C12orf42: variants seen among roughly 807,000 people sequenced by gnomAD.
The protein encoded by C12orf42 is chromosome 12 open reading frame 42.
C12orf42 carries 25 observed loss-of-function variants against 21.6 expected under a neutral mutation model. The ratio of observed to expected loss-of-function variants is 1.16; its 90% CI spans 0.84 to 1.62. C12orf42 has a LOEUF of 1.62. C12orf42 is among the 40% of genes most tolerant of loss of function. The pLI is 0.00. For missense variants in C12orf42, 483 were observed against 459.3 expected (o/e 1.05, Z -0.47); for synonymous variants, 174 against 175.0 (o/e 0.99, Z 0.05).
At chr12:103,369,331 T>C (rs1282314731) in intron 3 of C12orf42, among the ~76,000 whole-genome samples, 1 of 150,208 alleles carries the variant, frequency 6.7e-6, no homozygotes, top group African/African-American at 2.5e-5. Flanking sequence ...AAAATTGACA[T>C]ATTAGTGGAG....
intron 4 of C12orf42, among the ~76,000 whole-genome samples, chr12:103,349,706 A>G (rs2042948248): frequency 6.6e-6 from 1 of 152,180 alleles, no homozygotes. Context: ...TGCCAAAGAC[A>G]ATGTCCTAAC....
downstream of C12orf42, among the ~76,000 whole-genome samples, chr12:103,264,728 CA>C (rs1344876454): frequency 2.0e-5 from 3 of 152,110 alleles, no homozygotes; most frequent in Non-Finnish European, 4.4e-5. Context: ...ACAGGTGTAA[CA>C]AGTGCTAAAA....
In C12orf42 at chr12:103,478,394, T is replaced by A. The variant is rs10778257; in HGVS notation, c.33A>T (p.Glu11Asp). The A allele has an allele frequency of 4.0e-4, 633 of 1,599,132 alleles. 1 individual carries two copies. The highest frequency in any genetic ancestry group is 1.3e-3 in the South Asian group (120 of 88,996). The change falls in exon 2 of 6, where the codon GAA becomes GAT. Residue 11 changes from glutamate (E) to aspartate (D), a missense_variant. Glu to Asp is a conservative substitution (Grantham distance 45). Coordinates refer to ENST00000548883, the MANE Select transcript of C12orf42 (RefSeq NM_198521.5). MSTVICMKQR[E>D]EEFLLTIRPF... ...GTCTGATGGTTAGCAAGAATTCTTC[T>A]TCCCTTTGTTTCATACATATCACTG...
At chr12:103,459,159 G>C (rs1248824667) in intron 2 of C12orf42, among the ~76,000 whole-genome samples, 1 of 152,278 alleles carries the variant, frequency 6.6e-6, no homozygotes, top group South Asian at 2.1e-4. Flanking sequence ...TTCCCAGGAA[G>C]GGCTCATCTC....
At chr12:103,158,444 C>T in the C12orf42 span, among the ~76,000 whole-genome samples, 5 of 152,166 alleles carry the variant, frequency 3.3e-5, no homozygotes, top group Non-Finnish European at 5.9e-5. Flanking sequence ...TCCTAAGGAA[C>T]CCTTAGGCTG....
chr12:103,189,768 CAG>C, the C12orf42 span, among the ~76,000 whole-genome samples: 2 of 152,232 alleles, frequency 1.3e-5, no homozygotes, highest in Non-Finnish European at 2.9e-5. Context: ...TTCCTACCCA[CAG>C]ACCCAGGCAT....
chr12:103,534,361 C>T, the C12orf42 span, among the ~76,000 whole-genome samples: 4 of 152,066 alleles, frequency 2.6e-5, no homozygotes, highest in African/African-American at 9.7e-5. Context: ...CCTATTCCTG[C>T]AATTGTGCTG....
the C12orf42 span, among the ~76,000 whole-genome samples, chr12:103,554,674 G>A: frequency 2.6e-5 from 4 of 152,264 alleles, no homozygotes; most frequent in East Asian, 3.9e-4. Flanking sequence ...ATGGCAAAAG[G>A]TGAAGGGGAA....
the C12orf42 span, among the ~76,000 whole-genome samples, chr12:103,167,383 C>A: frequency 6.6e-6 from 1 of 152,176 alleles, no homozygotes; most frequent in African/African-American, 2.4e-5. Context: ...TTGTGTCCCC[C>A]CAAATTGAAG....
At chr12:103,134,511 GAAGA>G in the C12orf42 span, among the ~76,000 whole-genome samples, 1 of 150,442 alleles carries the variant, frequency 6.6e-6, no homozygotes, top group Non-Finnish European at 1.5e-5. Context: ...AGATCAAGCA[GAAGA>G]AAGAATTTCA....
At position 103,302,494 on chromosome 12, in the gene C12orf42, G is replaced by T; in HGVS notation, c.697C>A (p.Gln233Lys). 6.2e-7 allele frequency: 1 copy of T among 1,613,422 alleles called. No homozygotes were observed. ...CRRSQTPGAL[Q>K]STGPSNTELE... The stretch of plus-strand genomic sequence containing the variant: ...TCTGTGTTACTCGGGCCGGTGCTCT[G>T]CAGAGCGCCGGGCGTCTGGCTCCTC... The change falls in exon 6 of 6, where the codon CAG (glutamine) becomes AAG (lysine). Residue 233 changes from glutamine (Q) to lysine (K), a missense_variant. Gln to Lys is a moderately conservative substitution (Grantham distance 53, BLOSUM62 1). Coordinates refer to ENST00000548883, the MANE Select transcript of C12orf42 (RefSeq NM_198521.5).
At chr12:103,049,972 T>C in the C12orf42 span, among the ~76,000 whole-genome samples, 1 of 152,224 alleles carries the variant, frequency 6.6e-6, no homozygotes, top group African/African-American at 2.4e-5. Flanking sequence ...GGATGCTCCA[T>C]GTATTTATTT....
chr12:103,205,546 G>T, the C12orf42 span, among the ~76,000 whole-genome samples: 29 of 152,166 alleles, frequency 1.9e-4, no homozygotes, highest in Non-Finnish European at 4.1e-4. Context: ...GATTATGGGA[G>T]CTACAATTCA....
At chr12:103,405,513 T>C (rs1231361268) in intron 2 of C12orf42, among the ~76,000 whole-genome samples, 1 of 152,170 alleles carries the variant, frequency 6.6e-6, no homozygotes, top group Non-Finnish European at 1.5e-5. Context: ...GTCTTGATCA[T>C]GCTCCTCAAA....
chr12:103,121,774 G>T, the C12orf42 span, among the ~76,000 whole-genome samples: 1 of 152,152 alleles, frequency 6.6e-6, no homozygotes, highest in African/African-American at 2.4e-5. Flanking sequence ...AAAAGATTAG[G>T]CCCTGCTAGT....
the C12orf42 span, among the ~76,000 whole-genome samples, chr12:103,187,943 T>C: frequency 0.34 from 52,111 of 152,118 alleles, 9,640 homozygotes; most frequent in South Asian, 0.42. Context: ...TTTTAAAAAA[T>C]AGGCAGGCAG....
the C12orf42 span, among the ~76,000 whole-genome samples, chr12:103,534,217 C>T: frequency 1.1e-4 from 16 of 152,266 alleles, no homozygotes; most frequent in Non-Finnish European, 2.1e-4. Context: ...AAAATATCTG[C>T]CAATCGCTGT....
In C12orf42 at chr12:103,305,990, A is replaced by T. The variant is rs767056248; in HGVS notation, c.615T>A (p.Ser205Arg). 5.7e-5 allele frequency: 92 copies of T among 1,601,878 alleles called. 1 individual carries two copies. In the South Asian group the frequency reaches 9.7e-4, roughly 17 times the overall value. ...GATACTTACCAGAATTTTTCTTGGGACTGCTCAAGGGCTGGCCCTTAGGTC... is the reference window on the plus strand; with the variant it reads ...GATACTTACCAGAATTTTTCTTGGGTCTGCTCAAGGGCTGGCCCTTAGGTC... ...HTRPKGQPLS[S>R]PKKNSGSAAR... is the part of the protein sequence containing the mutation. The change falls in exon 5 of 6, where the codon AGT (serine) becomes AGA (arginine). Residue 205 changes from serine to arginine, a missense_variant. By Grantham distance (110) the Ser-to-Arg change is moderately radical. Coordinates refer to ENST00000548883, the MANE Select transcript of C12orf42 (RefSeq NM_198521.5).
At chr12:103,527,759 T>A in the C12orf42 span, among the ~76,000 whole-genome samples, 20 of 152,308 alleles carry the variant, frequency 1.3e-4, no homozygotes, top group East Asian at 2.1e-3. Context: ...TCACCCCTCC[T>A]CAAGAGAGAC....
Sources: allele counts gnomAD v4.1 joint callset (sites outside exome capture counted in the v4.1 genomes callset), GRCh38; gene constraint gnomAD v4.1.1; transcripts MANE v1.5; gene names NCBI Gene and HGNC (gene_info 2026-07-23, HGNC 2026-07-21).